The following AGBL1 variants were observed in gnomAD, a reference collection of about 807,000 sequenced individuals.
AGBL1 encodes cytosolic carboxypeptidase 4.
In AGBL1, 130 loss-of-function variants were observed where a neutral mutation model predicts 118.9. The observed-to-expected ratio is 1.09, with a 90% CI of 0.95 to 1.26. The LOEUF (loss-of-function observed/expected upper bound fraction) is 1.26. AGBL1 is among the 50% of genes most tolerant of loss of function. The probability of loss-of-function intolerance (pLI) is 0.00; values close to 1 mark genes in which losing one functional copy is unlikely to be tolerated. For missense variants in AGBL1, 1,584 were observed against 1,298.1 expected (o/e 1.22, Z -3.38); for synonymous variants, 555 against 478.9 (o/e 1.16, Z -2.08).
At chr15:86,468,799 T>C (rs2082440388) in intron 18 of AGBL1, among the ~76,000 whole-genome samples, 1 of 152,156 alleles carries the variant, frequency 6.6e-6, no homozygotes, top group Non-Finnish European at 1.5e-5. Flanking sequence ...AGGATAGACA[T>C]GAGAGGGGAT....
intron 17 of AGBL1, among the ~76,000 whole-genome samples, chr15:86,387,214 C>T (rs1031815700): frequency 6.6e-6 from 1 of 151,970 alleles, no homozygotes; most frequent in African/African-American, 2.4e-5. Flanking sequence ...GGTGGAAGGA[C>T]AATGAGAATT....
At chr15:86,479,892 A>G (rs2082625932) in intron 18 of AGBL1, among the ~76,000 whole-genome samples, 1 of 152,226 alleles carries the variant, frequency 6.6e-6, no homozygotes, top group South Asian at 2.1e-4. Context: ...ACACCATGGA[A>G]TACTATGCAG....
intron 19 of AGBL1, among the ~76,000 whole-genome samples, chr15:86,531,006 A>AGG (rs2083341923): frequency 3.0e-5 from 2 of 67,636 alleles, no homozygotes; most frequent in Non-Finnish European, 5.0e-5. Context: ...AAGAGAAAGC[A>AGG]GGAAAGATCC....
rs76073776 is a variant in AGBL1 at position 86,494,955 on chromosome 15, T to A, written c.2556-27855T>A. On this transcript the variant is annotated intron_variant, in intron 18 of 22. Transcript: ENST00000614907. Reference sequence around the variant, plus strand: ...CGTATTTGCTTCAGGGTTTTTTTTTTAAATAAATAACATATTGTAGATAAA... The same window carrying A: ...CGTATTTGCTTCAGGGTTTTTTTTTAAAATAAATAACATATTGTAGATAAA... Among the ~76,000 whole-genome samples the A allele has an allele frequency of 5.9e-3, 899 of 151,792 alleles. 12 individuals are homozygous for A. Among genetic ancestry groups the A allele is most frequent in the African/African-American group, 0.02 (811 of 41,458 alleles).
intron 22 of AGBL1, among the ~76,000 whole-genome samples, chr15:86,847,986 G>A (rs573628201): frequency 1.1e-4 from 16 of 152,208 alleles, no homozygotes; most frequent in Admixed American, 2.6e-4. Flanking sequence ...TCATTCCTTC[G>A]TGACAGAGAT....
chr15:86,771,640 C>T (rs889653371), intron 22 of AGBL1, among the ~76,000 whole-genome samples: 25 of 151,906 alleles, frequency 1.6e-4, no homozygotes, highest in Admixed American at 7.9e-4. Context: ...GTAACATGTT[C>T]GGTAAATAGA....
chr15:86,970,292 C>A (rs531602212), intron 23 of AGBL1, among the ~76,000 whole-genome samples: 4 of 152,038 alleles, frequency 2.6e-5, no homozygotes, highest in African/African-American at 9.6e-5. Context: ...GTAGCAAATA[C>A]TTATATGGTA....
chr15:86,485,481 C>T (rs961947792), intron 18 of AGBL1, among the ~76,000 whole-genome samples: 1 of 152,084 alleles, frequency 6.6e-6, no homozygotes, highest in South Asian at 2.1e-4. Flanking sequence ...TACACAGTCT[C>T]TGATGAAACT....
At chr15:86,563,372 T>C (rs889418952) in intron 21 of AGBL1, among the ~76,000 whole-genome samples, 4 of 152,200 alleles carry the variant, frequency 2.6e-5, no homozygotes, top group Non-Finnish European at 5.9e-5. Context: ...TCAAAGAACA[T>C]CTTTATTTCT....
chr15:86,226,007 G>T lies in AGBL1; in HGVS notation c.526+1056G>T, dbSNP rs2078355936. Among the ~76,000 whole-genome samples the T allele has an allele frequency of 2.6e-5, 4 of 152,088 alleles. No homozygotes were observed. In the South Asian group the frequency reaches 8.3e-4, roughly 31 times the overall value. On this transcript the variant is annotated intron_variant, in intron 6 of 22. Coordinates refer to ENST00000614907, the MANE Select transcript of AGBL1 (RefSeq NM_001386094.1). ...TGTGGACTTGACATGAGATAAGCTT[G>T]ATAAGCTGTGATATGAGATAACTTG...
At chr15:86,147,476 C>T (rs2077048319) in intron 3 of AGBL1, among the ~76,000 whole-genome samples, 1 of 152,210 alleles carries the variant, frequency 6.6e-6, no homozygotes, top group Non-Finnish European at 1.5e-5. Flanking sequence ...CCTGGCTTGG[C>T]AGGTCCCACA....
chr15:86,120,670 AC>A (rs1419694527), intron 1 of AGBL1, among the ~76,000 whole-genome samples: 3 of 152,188 alleles, frequency 2.0e-5, no homozygotes, highest in Non-Finnish European at 2.9e-5. Context: ...ATCCCTAGTG[AC>A]TAGCAGAACT....
intron 21 of AGBL1, among the ~76,000 whole-genome samples, chr15:86,557,201 G>A (rs1029915107): frequency 6.6e-6 from 1 of 152,168 alleles, no homozygotes; most frequent in Admixed American, 6.5e-5. Context: ...ACCTATTAGG[G>A]ATGGGCCCAA....
chr15:86,520,607 A>C (rs2083176150), intron 18 of AGBL1, among the ~76,000 whole-genome samples: 1 of 152,196 alleles, frequency 6.6e-6, no homozygotes, highest in South Asian at 2.1e-4. Context: ...ATGTAGAGAG[A>C]GTTCATACAG....
intron 5 of AGBL1, among the ~76,000 whole-genome samples, chr15:86,166,224 A>G (rs539064701): frequency 8.3e-4 from 126 of 152,280 alleles, no homozygotes; most frequent in Admixed American, 1.6e-3. Flanking sequence ...TTATTTGACA[A>G]CATTCTATGT....
intron 6 of AGBL1, among the ~76,000 whole-genome samples, chr15:86,236,857 T>G (rs2078552333): frequency 7.1e-6 from 1 of 141,698 alleles, no homozygotes; most frequent in Admixed American, 7.9e-5. Flanking sequence ...GGGAAAAAAC[T>G]GACCCTCCCA....
intron 21 of AGBL1, among the ~76,000 whole-genome samples, chr15:86,609,027 A>G (rs1055549214): frequency 6.6e-6 from 1 of 152,180 alleles, no homozygotes; most frequent in Non-Finnish European, 1.5e-5. Flanking sequence ...GCATAATTTT[A>G]AAGTACGTGA....
intron 18 of AGBL1, among the ~76,000 whole-genome samples, chr15:86,399,133 C>T (rs543238149): frequency 6.6e-6 from 1 of 152,238 alleles, no homozygotes; most frequent in African/African-American, 2.4e-5. Flanking sequence ...CTAAGAAACT[C>T]GATCAGACCT....
chr15:86,226,060 A>T (rs1206444333), intron 6 of AGBL1, among the ~76,000 whole-genome samples: 1 of 152,146 alleles, frequency 6.6e-6, no homozygotes, highest in Non-Finnish European at 1.5e-5. Context: ...GTGATATGAG[A>T]TCCACAGCTT....
Sources: gnomAD v4.1 joint callset for allele counts (sites outside exome capture counted in the v4.1 genomes callset) on GRCh38, gnomAD v4.1.1 for gene constraint, MANE v1.5 for transcripts, NCBI Gene and HGNC (gene_info 2026-07-23, HGNC 2026-07-21) for gene names.